ARK2N: variants seen among roughly 807,000 people sequenced by gnomAD.
ARK2N encodes protein ARK2N.
the ARK2N span, among the ~76,000 whole-genome samples, chr18:46,252,858 A>G: frequency 1.3e-5 from 2 of 152,208 alleles, no homozygotes; most frequent in Admixed American, 6.5e-5. Context: ...GCCATTAGCC[A>G]TTATTGAGAG....
chr18:46,203,050 A>G, the ARK2N span, among the ~76,000 whole-genome samples: 26 of 152,310 alleles, frequency 1.7e-4, no homozygotes, highest in Non-Finnish European at 3.1e-4. Flanking sequence ...CAGGAGGACA[A>G]ATTGATGGAA....
the ARK2N span, among the ~76,000 whole-genome samples, chr18:46,195,486 C>CTAAAAAAA: frequency 6.7e-6 from 1 of 149,808 alleles, no homozygotes; most frequent in African/African-American, 2.5e-5. Context: ...TGGGCTTAAG[C>CTAAAAAAA]AGTCCTCCTG....
the ARK2N span, among the ~76,000 whole-genome samples, chr18:46,241,332 C>T: frequency 3.3e-5 from 5 of 152,262 alleles, no homozygotes; most frequent in East Asian, 5.8e-4. Flanking sequence ...TGTTTCTCCT[C>T]TGGACTTCAG....
chr18:46,231,473 T>C, the ARK2N span, among the ~76,000 whole-genome samples: 21 of 151,968 alleles, frequency 1.4e-4, no homozygotes, highest in Non-Finnish European at 2.9e-4. Context: ...CCTAAAGGTA[T>C]GTAAGAAAAT....
the ARK2N span, chr18:46,253,651 G>C: frequency 6.3e-7 from 1 of 1,584,200 alleles, no homozygotes; most frequent in Non-Finnish European, 8.6e-7. Context: ...TGTTTGTGAG[G>C]AATAAAATTA....
chr18:46,201,779 CTTTTT>C, the ARK2N span, among the ~76,000 whole-genome samples: 1 of 135,766 alleles, frequency 7.4e-6, no homozygotes, highest in African/African-American at 2.7e-5. Flanking sequence ...CTTTTCTTTT[CTTTTT>C]TTTTTTTTTT....
the ARK2N span, among the ~76,000 whole-genome samples, chr18:46,185,384 C>G: frequency 6.6e-6 from 1 of 152,210 alleles, no homozygotes; most frequent in Non-Finnish European, 1.5e-5. Flanking sequence ...TAAATTTCCT[C>G]TGATAGCTCT....
the ARK2N span, among the ~76,000 whole-genome samples, chr18:46,190,888 T>A: frequency 1.3e-5 from 2 of 152,190 alleles, no homozygotes; most frequent in Non-Finnish European, 2.9e-5. Context: ...GAGACATGTT[T>A]TTGCAGAAGA....
the ARK2N span, among the ~76,000 whole-genome samples, chr18:46,184,971 T>A: frequency 6.6e-6 from 1 of 152,246 alleles, no homozygotes; most frequent in Non-Finnish European, 1.5e-5. Flanking sequence ...GAAACAGCTT[T>A]ACTAGGCTAT....
the ARK2N span, among the ~76,000 whole-genome samples, chr18:46,179,249 A>G: frequency 6.6e-6 from 1 of 152,220 alleles, no homozygotes; most frequent in African/African-American, 2.4e-5. Flanking sequence ...AGCCCAGTGA[A>G]TATAAATTTT....
At chr18:46,187,514 G>T in the ARK2N span, among the ~76,000 whole-genome samples, 3 of 151,800 alleles carry the variant, frequency 2.0e-5, no homozygotes, top group Non-Finnish European at 4.4e-5. Context: ...GCTACTTTTT[G>T]TATTTTTAGT....
At chr18:46,216,649 A>C in the ARK2N span, 13 of 1,459,722 alleles carry the variant, frequency 8.9e-6, no homozygotes, top group Non-Finnish European at 1.2e-5. This position sits in a 1 kb window ranked among gnomAD's most constrained non-coding sequence, Gnocchi z 4.3. Flanking sequence ...TTTCTCAGCT[A>C]TCAGGTTCAG....
chr18:46,207,388 C>CA, the ARK2N span, among the ~76,000 whole-genome samples: 2 of 115,916 alleles, frequency 1.7e-5, no homozygotes, highest in Non-Finnish European at 3.5e-5. Flanking sequence ...AGTTTCTATA[C>CA]TTTTTTTTTT....
At chr18:46,247,856 G>A in the ARK2N span, among the ~76,000 whole-genome samples, 2 of 152,208 alleles carry the variant, frequency 1.3e-5, no homozygotes, top group Non-Finnish European at 2.9e-5. Context: ...ATTTTTAGTA[G>A]AGACCGGGTT....
chr18:46,194,328 CG>C, the ARK2N span, among the ~76,000 whole-genome samples: 1 of 151,016 alleles, frequency 6.6e-6, no homozygotes, highest in African/African-American at 2.4e-5. Context: ...AGGCCAGGTG[CG>C]GGGGCTCACG....
At chr18:46,197,845 C>T in the ARK2N span, among the ~76,000 whole-genome samples, 1 of 152,202 alleles carries the variant, frequency 6.6e-6, no homozygotes, top group Non-Finnish European at 1.5e-5. Flanking sequence ...ACTTATGATT[C>T]TGCATGATGT....
the ARK2N span, chr18:46,174,368 C>T: frequency 6.6e-6 from 1 of 152,368 alleles, no homozygotes; most frequent in African/African-American, 2.4e-5. Flanking sequence ...GGCCTGGCTA[C>T]TGGTCGAGTT....
the ARK2N span, among the ~76,000 whole-genome samples, chr18:46,224,346 C>T: frequency 2.0e-5 from 3 of 152,074 alleles, no homozygotes; most frequent in African/African-American, 7.2e-5. Flanking sequence ...TGTATCATCT[C>T]CTTCCTGTGG....
chr18:46,212,990 A>ATTTT, the ARK2N span, among the ~76,000 whole-genome samples: 40 of 80,522 alleles, frequency 5.0e-4, 3 homozygotes, highest in East Asian at 1.2e-3. Flanking sequence ...TTTAAGAAGA[A>ATTTT]TTTTTTTTTT....
Sources: gnomAD v4.1 joint callset for allele counts (sites outside exome capture counted in the v4.1 genomes callset) on GRCh38, gnomAD v4.1.1 for gene constraint, Gnocchi (gnomAD v3.1) non-coding constraint, MANE v1.5 for transcripts, NCBI Gene and HGNC (gene_info 2026-07-23, HGNC 2026-07-21) for gene names.